Variants in NAV2 observed in about 807,000 individuals in gnomAD.
The protein encoded by NAV2 is helicase, APC down-regulated 1.
In NAV2, 54 loss-of-function variants were observed where a neutral mutation model predicts 223.2. The observed-to-expected ratio is 0.24, with a 90% confidence interval of 0.19 to 0.30. NAV2 has a LOEUF of 0.30. Ranked by LOEUF, NAV2 falls within the 10% of genes least tolerant of loss-of-function variation. The pLI is 1.00. For synonymous variants in NAV2, 1,279 were observed against 1,239.3 expected (o/e 1.03, Z -0.67); for missense variants, 2,806 against 3,147.5 (o/e 0.89, Z 2.60).
In NAV2 at chr11:20,056,612, C is replaced by T. The variant is rs142408639; in HGVS notation, c.4831+655C>T. The T allele has an allele frequency of 3.3e-5, 53 of 1,613,024 alleles. No individual in the cohort carries two copies. The East Asian group carries it at 8.5e-4, about 26-fold the overall frequency. ...ATTTCTCTCTTCCTTTGTTCCATCA[C>T]GCAAGGTATGAGTTAGGTGAGTAAG... On this transcript the variant is annotated intron_variant, in intron 19 of 37. Coordinates refer to ENST00000349880, the MANE Select transcript of NAV2 (RefSeq NM_145117.5).
chr11:19,779,527 T>C (rs1378631523), intron 1 of NAV2, among the ~76,000 whole-genome samples: 1 of 152,254 alleles, frequency 6.6e-6, no homozygotes, highest in Admixed American at 6.5e-5. Flanking sequence ...CCTTGGTGCC[T>C]GTGTTCGTTG....
At chr11:19,473,031 G>A (rs1214509759) in intron 1 of NAV2, among the ~76,000 whole-genome samples, 3 of 152,204 alleles carry the variant, frequency 2.0e-5, no homozygotes, top group African/African-American at 7.2e-5. Context: ...TCCTGAGAGA[G>A]CAGCCATGCC....
intron 1 of NAV2, among the ~76,000 whole-genome samples, chr11:19,551,316 A>G (rs765429251): frequency 7.2e-5 from 11 of 152,262 alleles, no homozygotes; most frequent in Admixed American, 2.6e-4. Context: ...AGGGGTCAGG[A>G]CCACGTATTT....
intron 11 of NAV2, among the ~76,000 whole-genome samples, chr11:19,990,877 A>T (rs1257135721): frequency 6.6e-6 from 1 of 152,212 alleles, no homozygotes; most frequent in Non-Finnish European, 1.5e-5. Context: ...ACTCTTTTGG[A>T]CAGCACTGAT....
intron 1 of NAV2, among the ~76,000 whole-genome samples, chr11:19,828,558 G>A (rs7931271): frequency 0.19 from 29,325 of 151,220 alleles, 2,333 homozygotes; most frequent in East Asian, 0.29. Context: ...GATGCATGAC[G>A]GCTCACTGCA....
intron 36 of NAV2, among the ~76,000 whole-genome samples, chr11:20,112,854 A>G (rs1421830705): frequency 6.6e-6 from 1 of 152,190 alleles, no homozygotes; most frequent in African/African-American, 2.4e-5. Flanking sequence ...CCCCTTGGAA[A>G]GACGTGGTTT....
At position 19,776,609 on chromosome 11, in the gene NAV2, G is replaced by GTGTGTGTGT. The variant is rs1565295714; in HGVS notation, c.268-55874_268-55873insGTGTGTGTT. On this transcript the variant is annotated intron_variant, in intron 1 of 37. Transcript: ENST00000349880. ...GTGTGTGTGTGTGTGTGTGTGTGTG[G>GTGTGTGTGT]TTAGAGTTGTGGGGGTCAGAAAATG... 3.4e-3 allele frequency among the ~76,000 whole-genome samples: 237 copies of GTGTGTGTGT among 69,676 alleles called. 3 individuals are homozygous for GTGTGTGTGT. Among genetic ancestry groups the GTGTGTGTGT allele is most frequent in the African/African-American group, 0.01 (162 of 15,986 alleles). 45.7% of individuals were successfully genotyped at this position (69,676 alleles called of 152,430 possible).
chr11:19,391,213 G>A (rs1178433468), intron 1 of NAV2, among the ~76,000 whole-genome samples: 1 of 151,942 alleles, frequency 6.6e-6, no homozygotes, highest in African/African-American at 2.4e-5. Flanking sequence ...CCTCCAAGGG[G>A]CACCCCTTCC....
At chr11:19,654,114 C>G (rs953324503) in intron 1 of NAV2, among the ~76,000 whole-genome samples, 4 of 152,152 alleles carry the variant, frequency 2.6e-5, no homozygotes, top group African/African-American at 7.2e-5. Flanking sequence ...AACAGAGAGC[C>G]AAATCATGAG....
intron 6 of NAV2, among the ~76,000 whole-genome samples, chr11:19,930,425 C>T (rs1408819894): frequency 6.6e-6 from 1 of 152,178 alleles, no homozygotes; most frequent in Non-Finnish European, 1.5e-5. Flanking sequence ...ATGCCTAAAA[C>T]TTCTTTAGGA....
At chr11:20,111,152 C>T (rs1005398154) in intron 36 of NAV2, among the ~76,000 whole-genome samples, 4 of 152,300 alleles carry the variant, frequency 2.6e-5, no homozygotes, top group African/African-American at 4.8e-5. Flanking sequence ...AATGTGCAGC[C>T]GATGCATCCT....
chr11:19,938,196 G>A (rs957559205), intron 7 of NAV2, among the ~76,000 whole-genome samples: 4 of 152,338 alleles, frequency 2.6e-5, no homozygotes, highest in East Asian at 3.9e-4. Flanking sequence ...AAGGGGTTTA[G>A]ACCTTATTCT....
chr11:19,425,831 G>A (rs949789243), intron 1 of NAV2, among the ~76,000 whole-genome samples: 3 of 152,068 alleles, frequency 2.0e-5, no homozygotes, highest in Non-Finnish European at 2.9e-5. Flanking sequence ...AGGATCCCAG[G>A]CCTGTAATTC....
chr11:19,632,774 C>G (rs1590736362), intron 1 of NAV2, among the ~76,000 whole-genome samples: 1 of 152,224 alleles, frequency 6.6e-6, no homozygotes, highest in African/African-American at 2.4e-5. Context: ...GAAATATAAG[C>G]CTGAGTTCAT....
At chr11:19,415,640 A>G (rs1822991333) in intron 1 of NAV2, among the ~76,000 whole-genome samples, 1 of 152,188 alleles carries the variant, frequency 6.6e-6, no homozygotes, top group Non-Finnish European at 1.5e-5. Flanking sequence ...AGACACAACA[A>G]AAAAAGAAAA....
chr11:19,491,716 A>C (rs1210119442), intron 1 of NAV2, among the ~76,000 whole-genome samples: 9 of 152,144 alleles, frequency 5.9e-5, no homozygotes, highest in Non-Finnish European at 1.3e-4. Context: ...AACACTTTTA[A>C]CTTCCTTCAA....
chr11:19,529,929 A>G (rs902345836), intron 1 of NAV2, among the ~76,000 whole-genome samples: 1 of 152,168 alleles, frequency 6.6e-6, no homozygotes, highest in South Asian at 2.1e-4. Context: ...TTTTACTACC[A>G]TTGACCTCCT....
intron 1 of NAV2, among the ~76,000 whole-genome samples, chr11:19,661,288 C>T (rs2048276764): frequency 6.6e-6 from 1 of 152,060 alleles, no homozygotes. Context: ...TTTTTTCCTT[C>T]TTAAGGCTGA....
chr11:19,636,656 G>C (rs1442974108), intron 1 of NAV2, among the ~76,000 whole-genome samples: 1 of 152,104 alleles, frequency 6.6e-6, no homozygotes, highest in Non-Finnish European at 1.5e-5. Context: ...ATTTTTAGTA[G>C]AGACGGGGTT....
Sources: gnomAD v4.1 joint callset for allele counts (sites outside exome capture counted in the v4.1 genomes callset) on GRCh38, gnomAD v4.1.1 for gene constraint, MANE v1.5 for transcripts, NCBI Gene and HGNC (gene_info 2026-07-23, HGNC 2026-07-21) for gene names.